Variants in DPYD observed in about 807,000 individuals in gnomAD.
The protein encoded by DPYD is dihydropyrimidine dehydrogenase [NADP(+)].
DPYD carries 109 observed loss-of-function variants against 116.2 expected under a neutral mutation model. The observed-to-expected ratio is 0.94, with a 90% confidence interval of 0.80 to 1.10. The LOEUF is 1.10. Ranked by LOEUF, DPYD falls within the 50% of genes least tolerant of loss-of-function variation. The pLI, the probability that DPYD is intolerant of heterozygous loss-of-function variation, is 0.00. For missense variants in DPYD, 1,302 were observed against 1,254.5 expected (o/e 1.04, Z -0.57); for synonymous variants, 440 against 432.0 (o/e 1.02, Z -0.23).
intron 3 of DPYD, among the ~76,000 whole-genome samples, chr1:97,767,496 T>A (rs1160672097): frequency 9.3e-5 from 1 of 10,738 alleles, no homozygotes; most frequent in Non-Finnish European, 2.9e-4. Context: ...GCATGTTCTG[T>A]TTCCTCTCTG....
chr1:97,653,093 C>G (rs1658687196), intron 8 of DPYD, among the ~76,000 whole-genome samples: 3 of 152,134 alleles, frequency 2.0e-5, no homozygotes, highest in Admixed American at 1.3e-4. Flanking sequence ...CTTCTCTGTC[C>G]TCCCTTTGTA....
intron 8 of DPYD, among the ~76,000 whole-genome samples, chr1:97,658,542 G>C (rs574039424): frequency 6.6e-6 from 1 of 152,062 alleles, no homozygotes; most frequent in East Asian, 1.9e-4. Flanking sequence ...TAAAGTTCCT[G>C]ATATTAAATT....
At chr1:97,690,890 G>T (rs1420321860) in intron 7 of DPYD, among the ~76,000 whole-genome samples, 2 of 151,830 alleles carry the variant, frequency 1.3e-5, no homozygotes, top group Non-Finnish European at 2.9e-5. Flanking sequence ...ATATTTTTTT[G>T]AGTGTTTTCT....
At chr1:97,829,190 T>A (rs1447912025) in intron 2 of DPYD, among the ~76,000 whole-genome samples, 1 of 151,882 alleles carries the variant, frequency 6.6e-6, no homozygotes, top group East Asian at 1.9e-4. Flanking sequence ...AGTATTAATA[T>A]GTTCTTTCTA....
At chr1:97,438,267 A>G (rs1220224451) in intron 14 of DPYD, among the ~76,000 whole-genome samples, 1 of 151,998 alleles carries the variant, frequency 6.6e-6, no homozygotes, top group Non-Finnish European at 1.5e-5. Flanking sequence ...GTTTGCTAAT[A>G]TTTTGATTGG....
chr1:97,429,860 G>GA (rs1486516726), intron 14 of DPYD, among the ~76,000 whole-genome samples: 1 of 152,030 alleles, frequency 6.6e-6, no homozygotes, highest in Admixed American at 6.6e-5. Context: ...GAGGAATAGG[G>GA]ATGTGGAGAA....
intron 12 of DPYD, among the ~76,000 whole-genome samples, chr1:97,535,893 G>A (rs1280016624): frequency 6.6e-6 from 1 of 152,098 alleles, no homozygotes; most frequent in African/African-American, 2.4e-5. Context: ...AAAGTGTCAA[G>A]TATCTGATGC....
Position 97,894,897 on chromosome 1 carries a change from T to G in DPYD, c.40-11523A>C, listed in dbSNP as rs146085365. ...TTACATATTTAAATTAAAACCAGTA[T>G]GTAGAAAATGTGTAACTATGAAAAT... On this transcript the variant is annotated intron_variant, in intron 1 of 22. Coordinates refer to ENST00000370192, the MANE Select transcript of DPYD (RefSeq NM_000110.4). Among the ~76,000 whole-genome samples, 148 of 151,852 alleles carry G rather than the reference T, an allele frequency of 9.7e-4. 3 individuals carry two copies. The East Asian group carries it at 0.024, about 25-fold the overall frequency.
At chr1:97,267,731 C>T (rs1012792185) in intron 18 of DPYD, among the ~76,000 whole-genome samples, 2 of 152,126 alleles carry the variant, frequency 1.3e-5, no homozygotes, top group Non-Finnish European at 2.9e-5. Context: ...CCTCTTATTG[C>T]TGTTGCATTG....
intron 13 of DPYD, among the ~76,000 whole-genome samples, chr1:97,513,796 A>G (rs543511089): frequency 8.6e-5 from 13 of 152,006 alleles, no homozygotes; most frequent in Admixed American, 4.6e-4. Context: ...ATGTAATTAT[A>G]TATTCACAAA....
intron 8 of DPYD, among the ~76,000 whole-genome samples, chr1:97,677,991 C>T (rs552825786): frequency 1.8e-4 from 28 of 152,040 alleles, no homozygotes; most frequent in Non-Finnish European, 3.7e-4. Context: ...AAATACAGGA[C>T]GATGAGTTTA....
chr1:97,308,107 C>T (rs557668550), intron 16 of DPYD, among the ~76,000 whole-genome samples: 2 of 151,886 alleles, frequency 1.3e-5, no homozygotes, highest in African/African-American at 4.8e-5. Context: ...TATTGACCCC[C>T]ATGCCATAAT....
intron 1 of DPYD, among the ~76,000 whole-genome samples, chr1:97,912,572 ATGT>A (rs2101710263): frequency 6.6e-6 from 1 of 152,254 alleles, no homozygotes; most frequent in East Asian, 1.9e-4. Flanking sequence ...TGGGATGACT[ATGT>A]ATCTTTGGGG....
rs746495174 is a variant in DPYD, at chr1:97,305,398, A to G, written c.2180-20T>C. ...CACCACCTATGCAAGACACATCAAC[A>G]TTTTCATGCAGCTCTTATAAGACAC... is the stretch of plus-strand genomic sequence containing the variant. On this transcript the variant is annotated intron_variant, in intron 17 of 22. Coordinates refer to ENST00000370192, the MANE Select transcript of DPYD (RefSeq NM_000110.4). The G allele has an allele frequency of 2.5e-6, 4 of 1,611,858 alleles. No individual in the cohort carries two copies. In the South Asian group the frequency reaches 4.4e-5, roughly 18 times the overall value.
intron 13 of DPYD, among the ~76,000 whole-genome samples, chr1:97,506,067 T>C (rs1647297405): frequency 6.6e-6 from 1 of 151,964 alleles, no homozygotes; most frequent in African/African-American, 2.4e-5. Context: ...ATTTCAGAAA[T>C]AGTGGTACTT....
chr1:97,429,118 A>C (rs1675033087), intron 14 of DPYD, among the ~76,000 whole-genome samples: 1 of 152,076 alleles, frequency 6.6e-6, no homozygotes, highest in Admixed American at 6.6e-5. Context: ...ATGTAGTCTT[A>C]ATAATCATAC....
intron 20 of DPYD, among the ~76,000 whole-genome samples, chr1:97,127,340 A>G (rs538665851): frequency 2.3e-4 from 35 of 152,284 alleles, no homozygotes; most frequent in Middle Eastern, 3.4e-3. Flanking sequence ...GGGTTGGTCC[A>G]GGTAGGGGAG....
intron 14 of DPYD, among the ~76,000 whole-genome samples, chr1:97,446,960 C>A (rs1048457971): frequency 6.6e-6 from 1 of 151,914 alleles, no homozygotes; most frequent in African/African-American, 2.4e-5. Context: ...TAAAAGGAAA[C>A]CTTGAAAGCC....
Position 97,721,668 on chromosome 1 carries a change from A to T in DPYD, c.325T>A (p.Tyr109Asn), listed in dbSNP as rs1212037891. ...SFITSIANKN[Y>N]YGAAKMIFSD... Reference sequence around the variant, plus strand: ...AATATCATCTTAGCAGCTCCATAATAGTTCTGCAAAATTAATACAAAATAA... The same window carrying T: ...AATATCATCTTAGCAGCTCCATAATTGTTCTGCAAAATTAATACAAAATAA... The change falls in exon 5 of 23, where the codon TAT becomes AAT. Residue 109 changes from tyrosine (Y) to asparagine (N), a missense_variant. Physicochemically the swap from Tyr to Asn is moderately radical, Grantham distance 143. Coordinates refer to ENST00000370192, the MANE Select transcript of DPYD (RefSeq NM_000110.4). 1.3e-5 allele frequency: 21 copies of T among 1,610,736 alleles called. 1 individual carries two copies. In the East Asian group the frequency reaches 4.5e-4, roughly 34 times the overall value.
Sources: allele counts gnomAD v4.1 joint callset (sites outside exome capture counted in the v4.1 genomes callset), GRCh38; gene constraint gnomAD v4.1.1; transcripts MANE v1.5; gene names NCBI Gene and HGNC (gene_info 2026-07-23, HGNC 2026-07-21).